The following NAMPT variants were observed in gnomAD, a reference collection of about 807,000 sequenced individuals.
The protein encoded by NAMPT is NAmPRTase.
Under a neutral mutation model 58.7 loss-of-function variants are expected in NAMPT, and 7 were observed. That is an observed-to-expected ratio of 0.12 (90% CI 0.07 to 0.22). NAMPT has a LOEUF of 0.22. Ranked by LOEUF, NAMPT falls within the 10% of genes least tolerant of loss-of-function variation. NAMPT has a pLI of 1.00. For missense variants in NAMPT, 271 were observed against 567.9 expected (o/e 0.48, Z 5.31); for synonymous variants, 145 against 198.1 (o/e 0.73, Z 2.25).
intron 1 of NAMPT, among the ~76,000 whole-genome samples, chr7:106,281,709 C>T (rs2115840839): frequency 6.6e-6 from 1 of 152,282 alleles, no homozygotes; most frequent in East Asian, 1.9e-4. Context: ...TAATTCACTG[C>T]TATTTGGCTT....
At chr7:106,282,818 A>G (rs1327645485) in intron 1 of NAMPT, among the ~76,000 whole-genome samples, 1 of 152,250 alleles carries the variant, frequency 6.6e-6, no homozygotes, top group East Asian at 1.9e-4. Context: ...TGAAACTACT[A>G]GAGTTCCCAA....
At position 106,277,127 on chromosome 7, in the gene NAMPT, A is replaced by G; in HGVS notation, c.110T>C (p.Phe37Ser). The change falls in exon 2 of 11, where the codon TTT (phenylalanine) becomes TCT (serine). Residue 37 changes from phenylalanine to serine, a missense_variant. Coordinates refer to ENST00000222553, the MANE Select transcript of NAMPT (RefSeq NM_005746.3). ...PPNTSKVYSY[F>S]ECREKKTENS... ...TTCTGTCTTCTTTTCACGGCATTCA[A>G]AGTAGGAATAAACTTTGCTTGTGTT... The G allele has an allele frequency of 6.2e-7, 1 of 1,611,172 alleles. No individual in the cohort carries two copies. The highest frequency in any genetic ancestry group is 8.5e-7 in the Non-Finnish European group (1 of 1,177,522).
At chr7:106,269,756 G>C (rs904001722) in intron 4 of NAMPT, among the ~76,000 whole-genome samples, 3 of 152,092 alleles carry the variant, frequency 2.0e-5, no homozygotes, top group Admixed American at 1.3e-4. Context: ...ATGTGGACTT[G>C]GATCAAATAG....
intron 9 of NAMPT, 63 bp downstream of exon 9, chr7:106,254,301 A>G (rs1164539280): frequency 3.8e-6 from 6 of 1,575,152 alleles, no homozygotes; most frequent in Non-Finnish European, 4.4e-6. Context: ...GCACTCAATA[A>G]CCACATTCTA....
intron 8 of NAMPT, 119 bp downstream of exon 8, chr7:106,261,469 A>T (rs927508670): frequency 3.6e-6 from 3 of 836,036 alleles, no homozygotes; most frequent in African/African-American, 3.5e-5. Flanking sequence ...ACAGAGATTT[A>T]TACCAACATA....
chr7:106,256,367 A>G (rs10953503), intron 8 of NAMPT, among the ~76,000 whole-genome samples: 97,133 of 152,148 alleles, frequency 0.64, 31,472 homozygotes, highest in East Asian at 0.91. Flanking sequence ...GACAGGCTGA[A>G]TAGCAAAGTC....
chr7:106,253,050 C>T lies in NAMPT; in HGVS notation c.1332G>A (p.Glu444=). ...ATTCCTCAAGGTCTCCTTTTCCTTC[C>T]TCCAGTGTAACAAAATTCCCTGCTG... ...RTPAGNFVTL[E]EGKGDLEEYG... is the part of the protein sequence containing the mutation. The change falls in exon 10 of 11, where the codon GAG becomes GAA. Residue 444 remains glutamate, a synonymous_variant. Transcript: ENST00000222553. 6.2e-7 allele frequency: 1 copy of T among 1,613,396 alleles called. No individual in the cohort carries two copies. Among genetic ancestry groups the T allele is most frequent in the African/African-American group, 1.3e-5 (1 of 74,982 alleles).
At chr7:106,284,804 A>T (rs200892853) in intron 1 of NAMPT, 24 bp downstream of exon 1, 2 of 1,326,076 alleles carry the variant, frequency 1.5e-6, no homozygotes, top group African/African-American at 3.5e-5. Context: ...GCTCCTCCTC[A>T]TCTGCCCGGG....
At chr7:106,251,739 A>G (rs28445927) in intron 10 of NAMPT, among the ~76,000 whole-genome samples, 9,659 of 152,152 alleles carry the variant, frequency 0.063, 483 homozygotes, top group African/African-American at 0.14. Flanking sequence ...CTTGACTAAC[A>G]CACAGTGACT....
At chr7:106,258,355 A>G (rs1015631943) in intron 8 of NAMPT, among the ~76,000 whole-genome samples, 5 of 152,240 alleles carry the variant, frequency 3.3e-5, no homozygotes, top group Non-Finnish European at 5.9e-5. Context: ...ACCTTACTCT[A>G]TCTCCACCAA....
intron 1 of NAMPT, among the ~76,000 whole-genome samples, chr7:106,280,650 G>C (rs1402429962): frequency 6.6e-6 from 1 of 152,044 alleles, no homozygotes; most frequent in Non-Finnish European, 1.5e-5. Context: ...TACATATGTG[G>C]TAAAGAACTG....
Position 106,250,482 on chromosome 7 carries a change from G to C in NAMPT, c.*601C>G, listed in dbSNP as rs1205314366. The C allele has an allele frequency of 6.5e-6, 1 of 153,016 alleles. No homozygotes were observed. The highest frequency in any genetic ancestry group is 2.4e-5 in the African/African-American group (1 of 41,388). 9.5% of individuals were successfully genotyped at this position (153,016 alleles called of 1,614,324 possible). On this transcript the variant is annotated 3_prime_UTR_variant, in exon 11 of 11. Coordinates refer to ENST00000222553, the MANE Select transcript of NAMPT (RefSeq NM_005746.3). ...ATGATTAATACATATTCTACAAGGG[G>C]CAGTAAGGTTAGTAATTCTATAGGG...
intron 6 of NAMPT, among the ~76,000 whole-genome samples, chr7:106,265,715 ACTCT>A (rs770267302): frequency 1.3e-5 from 2 of 152,050 alleles, no homozygotes; most frequent in South Asian, 2.1e-4. Flanking sequence ...TTGCTCTGGC[ACTCT>A]CTGTCTAGTC....
chr7:106,285,677 C>T, upstream of NAMPT: 1 of 763,344 alleles, frequency 1.3e-6, no homozygotes, highest in Non-Finnish European at 1.6e-6. Flanking sequence ...TCATCTGATG[C>T]AGCGACTCCG....
chr7:106,279,369 A>C (rs1450188179), intron 1 of NAMPT, among the ~76,000 whole-genome samples: 1 of 152,190 alleles, frequency 6.6e-6, no homozygotes, highest in Admixed American at 6.5e-5. Flanking sequence ...TTTATTAACT[A>C]TCTACTAACA....
Position 106,249,287 on chromosome 7 carries a change from TTC to T in NAMPT, c.*1794_*1795del, listed in dbSNP as rs1792069912. The T allele has an allele frequency of 6.6e-6, 1 of 152,530 alleles. No individual in the cohort carries two copies. The highest frequency in any genetic ancestry group is 1.5e-5 in the Non-Finnish European group (1 of 67,974). 9.4% of individuals were successfully genotyped at this position (152,530 alleles called of 1,614,324 possible). A position where few individuals can be genotyped will look rare whatever the true frequency, so the allele number is the denominator to read the frequency against. On this transcript the variant is annotated 3_prime_UTR_variant, in exon 11 of 11. Coordinates refer to ENST00000222553, the MANE Select transcript of NAMPT (RefSeq NM_005746.3). ...TTTAAAGAACCATCTGAAAAACATATTCTTTCTAATACCACTTACAAAAAACA... is the reference window on the plus strand; with the variant it reads ...TTTAAAGAACCATCTGAAAAACATATTTTCTAATACCACTTACAAAAAACA...
chr7:106,261,763 G>C, intron 7 of NAMPT, 56 bp from the exon 8 acceptor site: 2 of 1,524,562 alleles, frequency 1.3e-6, no homozygotes, highest in Non-Finnish European at 1.8e-6. Context: ...ACAAGTATAA[G>C]AGCTTTTCAA....
At chr7:106,259,945 G>A (rs1299603829) in intron 8 of NAMPT, among the ~76,000 whole-genome samples, 1 of 142,430 alleles carries the variant, frequency 7.0e-6, no homozygotes. Flanking sequence ...AGTACACTAT[G>A]ATGTAAACAG....
At chr7:106,252,257 A>C (rs369911716) in intron 10 of NAMPT, among the ~76,000 whole-genome samples, 12 of 152,244 alleles carry the variant, frequency 7.9e-5, no homozygotes, top group African/African-American at 2.6e-4. Flanking sequence ...AGTTACACAA[A>C]GCTTACTCAA....
Sources: allele counts gnomAD v4.1 joint callset (sites outside exome capture counted in the v4.1 genomes callset), GRCh38; gene constraint gnomAD v4.1.1; transcripts MANE v1.5; gene names NCBI Gene and HGNC (gene_info 2026-07-23, HGNC 2026-07-21).